Variants in PRKN observed in about 807,000 individuals in gnomAD.
The protein encoded by PRKN is parkin RBR E3 ubiquitin protein ligase, also known as E3 ubiquitin-protein ligase parkin.
A neutral mutation model predicts 59.5 loss-of-function variants in PRKN; 56 were observed. That is an observed-to-expected ratio of 0.94 (90% confidence interval 0.76 to 1.18). The LOEUF is 1.18. Ranked by LOEUF, PRKN falls within the 50% of genes most tolerant of loss-of-function variation. PRKN has a pLI of 0.00. For synonymous variants in PRKN, 250 were observed against 222.1 expected (o/e 1.13, Z -1.12); for missense variants, 657 against 596.4 (o/e 1.10, Z -1.06).
chr6:161,822,398 G>T (rs1792068824), intron 6 of PRKN, among the ~76,000 whole-genome samples: 1 of 152,206 alleles, frequency 6.6e-6, no homozygotes, highest in Non-Finnish European at 1.5e-5. Flanking sequence ...ACATATGGCT[G>T]GGCACGGTGG....
At chr6:161,668,618 C>T (rs1045221549) in intron 7 of PRKN, among the ~76,000 whole-genome samples, 2 of 152,056 alleles carry the variant, frequency 1.3e-5, no homozygotes, top group South Asian at 4.1e-4. Flanking sequence ...CAGTTAGGGT[C>T]GGACAAGTAC....
chr6:161,774,105 A>G (rs745371595), intron 7 of PRKN, among the ~76,000 whole-genome samples: 1 of 152,158 alleles, frequency 6.6e-6, no homozygotes, highest in Non-Finnish European at 1.5e-5. Context: ...CTGTTGATCC[A>G]GCTAGAATGA....
intron 9 of PRKN, among the ~76,000 whole-genome samples, chr6:161,406,048 G>A (rs543650256): frequency 6.6e-6 from 1 of 152,066 alleles, no homozygotes; most frequent in Non-Finnish European, 1.5e-5. Flanking sequence ...GGATTGGTCT[G>A]TGGATGGAAA....
intron 6 of PRKN, among the ~76,000 whole-genome samples, chr6:161,966,147 A>C (rs1370535179): frequency 6.6e-6 from 1 of 151,978 alleles, no homozygotes; most frequent in African/African-American, 2.4e-5. Context: ...TCATAATGTT[A>C]TCCCGAAGTC....
chr6:162,718,478 G>A (rs1256063548), intron 1 of PRKN, among the ~76,000 whole-genome samples: 4 of 152,072 alleles, frequency 2.6e-5, no homozygotes, highest in Admixed American at 6.6e-5. Flanking sequence ...TTGGGAGGCC[G>A]AGACAGGTGG....
Position 161,737,253 on chromosome 6 carries a change from A to G in PRKN, c.871+48519T>C, listed in dbSNP as rs139786481. ...GGCAAGGGGAATCCACTTAAAGGGG[A>G]ATGAACTAAATCAGGGGACTGCTTG... On this transcript the variant is annotated intron_variant, in intron 7 of 11. Transcript: ENST00000366898. 6.2e-3 allele frequency among the ~76,000 whole-genome samples: 944 copies of G among 152,272 alleles called. 17 individuals are homozygous for G. Among genetic ancestry groups the G allele is most frequent in the South Asian group, 0.047 (227 of 4,820 alleles).
Position 162,372,420 on chromosome 6 carries a change from C to T in PRKN, c.171+70890G>A, listed in dbSNP as rs111712908. ...GCGCTGAGTTTACTCACACGTGCTACACATGCGATCCTCACGACAGCCCTG... is the reference window on the plus strand; with the variant it reads ...GCGCTGAGTTTACTCACACGTGCTATACATGCGATCCTCACGACAGCCCTG... On this transcript the variant is annotated intron_variant, in intron 2 of 11. Transcript: ENST00000366898. Among the ~76,000 whole-genome samples, 1,247 of 151,088 alleles carry T rather than the reference C, an allele frequency of 8.3e-3. 19 individuals are homozygous for T. The highest frequency in any genetic ancestry group is 0.028 in the African/African-American group (1,168 of 41,460).
rs115519793 is a variant in PRKN at position 161,518,486 on chromosome 6, G to T, written c.1083+30368C>A. On this transcript the variant is annotated intron_variant, in intron 9 of 11. Transcript: ENST00000366898. The surrounding 1 kb of genome is among the most constrained non-coding windows in gnomAD (Gnocchi z 5.0). ...TCAAGTGCAGGCTGCTGTGGCACTGGGCGCTGCCCCTGGCTGTGCAATCCC... is the reference window on the plus strand; with the variant it reads ...TCAAGTGCAGGCTGCTGTGGCACTGTGCGCTGCCCCTGGCTGTGCAATCCC... Among the ~76,000 whole-genome samples the T allele has an allele frequency of 0.014, 2,162 of 152,338 alleles. 17 individuals carry two copies. The highest frequency in any genetic ancestry group is 0.037 in the Middle Eastern group (11 of 294).
chr6:162,686,043 C>A (rs572983339), intron 1 of PRKN, among the ~76,000 whole-genome samples: 1 of 152,124 alleles, frequency 6.6e-6, no homozygotes, highest in Admixed American at 6.6e-5. Context: ...TCCTTTCAAG[C>A]CTTTTAAGCA....
chr6:161,882,728 G>C (rs762763731), intron 6 of PRKN, among the ~76,000 whole-genome samples: 8 of 152,194 alleles, frequency 5.3e-5, no homozygotes, highest in Admixed American at 3.3e-4. Context: ...CCACGGCTGG[G>C]CGCGGTGGCT....
intron 1 of PRKN, among the ~76,000 whole-genome samples, chr6:162,611,186 G>T (rs1318058443): frequency 6.6e-6 from 1 of 152,114 alleles, no homozygotes; most frequent in East Asian, 1.9e-4. Context: ...AATAAAGAAA[G>T]AAATATTAAG....
intron 9 of PRKN, among the ~76,000 whole-genome samples, chr6:161,387,493 A>G (rs1786312472): frequency 6.6e-6 from 1 of 152,236 alleles, no homozygotes; most frequent in Non-Finnish European, 1.5e-5. Context: ...AGTCTCGGGT[A>G]TGTCCTTATA....
At position 162,299,225 on chromosome 6, in the gene PRKN, C is replaced by T. The variant is rs73598166; in HGVS notation, c.172-36460G>A. 2.8e-3 allele frequency among the ~76,000 whole-genome samples: 434 copies of T among 152,288 alleles called. 2 individuals carry two copies. The highest frequency in any genetic ancestry group is 0.014 in the East Asian group (75 of 5,176). ...AGAGACACTGTGCTGGATGGTGGGACGCTGCCCATGACACGGCTCACTGTG... is the reference window on the plus strand; with the variant it reads ...AGAGACACTGTGCTGGATGGTGGGATGCTGCCCATGACACGGCTCACTGTG... On this transcript the variant is annotated intron_variant, in intron 2 of 11. Transcript: ENST00000366898.
rs1785355502 is a variant in PRKN, at chr6:161,369,557, TA to T, written c.1168-9353del. The stretch of plus-strand genomic sequence containing the variant: ...TCAGCATCACCGCCCGATTGTGCAA[TA>T]AAGTGTGGCTCTCACGGGGCAGTGT... On this transcript the variant is annotated intron_variant, in intron 10 of 11. Coordinates refer to ENST00000366898, the MANE Select transcript of PRKN (RefSeq NM_004562.3). The surrounding 1 kb of genome is among the most constrained non-coding windows in gnomAD (Gnocchi z 5.8). Among the ~76,000 whole-genome samples the T allele has an allele frequency of 6.6e-6, 1 of 152,102 alleles. No individual in the cohort carries two copies.
intron 5 of PRKN, among the ~76,000 whole-genome samples, chr6:162,008,253 A>T (rs773114970): frequency 2.0e-5 from 3 of 152,150 alleles, no homozygotes; most frequent in Non-Finnish European, 4.4e-5. Context: ...AGACACGGAG[A>T]CGTGTGCTTG....
At chr6:162,714,107 C>T (rs910457320) in intron 1 of PRKN, among the ~76,000 whole-genome samples, 1 of 152,198 alleles carries the variant, frequency 6.6e-6, no homozygotes, top group African/African-American at 2.4e-5. Context: ...TCACACCACT[C>T]TGCATCCTCA....
chr6:161,726,377 G>GA (rs1416383358), intron 7 of PRKN, among the ~76,000 whole-genome samples: 2 of 151,960 alleles, frequency 1.3e-5, no homozygotes, highest in Non-Finnish European at 2.9e-5. Context: ...GTTGCACGTG[G>GA]AAAAAAAATC....
In PRKN at chr6:161,429,272, T is replaced by C. The variant is rs1311832605; in HGVS notation, c.1084-42395A>G. On this transcript the variant is annotated intron_variant, in intron 9 of 11. Coordinates refer to ENST00000366898, the MANE Select transcript of PRKN (RefSeq NM_004562.3). The surrounding 1 kb of genome is among the most constrained non-coding windows in gnomAD (Gnocchi z 4.2). ...TCAAGTGCTGAGACATGCTAGGTGC[T>C]GGGCTAGGTGTGGAATACAATGGTA... is the stretch of plus-strand genomic sequence containing the variant. Among the ~76,000 whole-genome samples the C allele has an allele frequency of 6.6e-6, 1 of 152,232 alleles. No individual in the cohort carries two copies. The highest frequency in any genetic ancestry group is 1.9e-4 in the East Asian group (1 of 5,202).
chr6:162,322,803 A>G (rs1203501486), intron 2 of PRKN, among the ~76,000 whole-genome samples: 2 of 151,996 alleles, frequency 1.3e-5, no homozygotes, highest in African/African-American at 2.4e-5. Context: ...TCACAATAGC[A>G]AAGACTTGGA....
Sources: allele counts gnomAD v4.1 joint callset (sites outside exome capture counted in the v4.1 genomes callset), GRCh38; gene constraint gnomAD v4.1.1; non-coding constraint Gnocchi (gnomAD v3.1); transcripts MANE v1.5; gene names NCBI Gene and HGNC (gene_info 2026-07-23, HGNC 2026-07-21).